NPC1: variants seen among roughly 807,000 people sequenced by gnomAD.
NPC1 encodes the protein Niemann-Pick C1 protein.
In NPC1, 85 loss-of-function variants were observed where a neutral mutation model predicts 140.4. The observed-to-expected ratio is 0.61, with a 90% CI of 0.51 to 0.72. The LOEUF (loss-of-function observed/expected upper bound fraction) is 0.72. Ranked by LOEUF, NPC1 falls within the 30% of genes least tolerant of loss-of-function variation. NPC1 has a pLI of 0.00. For synonymous variants in NPC1, 656 were observed against 624.8 expected, an observed-to-expected ratio of 1.05 and a Z score of -0.74; for missense variants, 1,504 against 1,623.8, an observed-to-expected ratio of 0.93 and a Z score of 1.27.
chr18:23,556,606 C>A lies in NPC1; in HGVS notation c.963G>T (p.Ala321=). ...FSVNASDKGE[A]SCCDPVSAAF... ...CTGCGCTGACAGGGTCACAGCAGGACGCCTCTCCTGGAAGAACGGGAGAGG... is the reference window on the plus strand; with the variant it reads ...CTGCGCTGACAGGGTCACAGCAGGAAGCCTCTCCTGGAAGAACGGGAGAGG... The change falls in exon 8 of 25, where the codon GCG becomes GCT. Residue 321 remains alanine, a synonymous_variant. Transcript: ENST00000269228. 6.2e-7 allele frequency: 1 copy of A among 1,614,002 alleles called. No homozygotes were observed. Among genetic ancestry groups the A allele is most frequent in the East Asian group, 2.2e-5 (1 of 44,878 alleles).
rs2058521498 is a variant in NPC1 at position 23,531,854 on chromosome 18, C to CTA, written c.*346_*347dup. The CTA allele has an allele frequency of 6.9e-7, 1 of 1,453,894 alleles. No homozygotes were observed. Among genetic ancestry groups the CTA allele is most frequent in the African/African-American group, 1.4e-5 (1 of 69,798 alleles). 90.1% of individuals were successfully genotyped at this position (1,453,894 alleles called of 1,614,324 possible). A position where few individuals can be genotyped will look rare whatever the true frequency, so the allele number is the denominator to read the frequency against. On this transcript the variant is annotated 3_prime_UTR_variant, in exon 25 of 25. Transcript: ENST00000269228. ...ATAGAACTTGTGGGATGGCTTACTC[C>CTA]TAAAAGGAGAGACAGACAGTGCATT...
downstream of NPC1, chr18:23,529,742 A>C: frequency 6.3e-7 from 1 of 1,577,644 alleles, no homozygotes; most frequent in Non-Finnish European, 8.7e-7. Flanking sequence ...GCCCAAGTTA[A>C]AACAGAAGGA....
At chr18:23,546,312 TGA>T (rs2058789781) in intron 11 of NPC1, among the ~76,000 whole-genome samples, 2 of 111,080 alleles carry the variant, frequency 1.8e-5, no homozygotes, top group South Asian at 5.6e-4. Flanking sequence ...AAAACCACAA[TGA>T]GATACCACTT....
intron 10 of NPC1, among the ~76,000 whole-genome samples, chr18:23,551,282 C>T (rs2145431588): frequency 6.6e-6 from 1 of 152,292 alleles, no homozygotes; most frequent in African/African-American, 2.4e-5. Flanking sequence ...ACCTGAGGTC[C>T]ATGAGCTCCC....
At position 23,514,420 on chromosome 18, in the gene NPC1, G is replaced by C. The variant is rs181281152; in HGVS notation, c.432-7778C>G. ...AAAAATACAAAAATTAGCTGGGTGT[G>C]GTGGTGGGCGCCTATAATCCCAGTT... On this transcript the variant is annotated intron_variant, in intron 3 of 3. Transcript: ENST00000591107. Among the ~76,000 whole-genome samples, 43 of 152,310 alleles carry C rather than the reference G, an allele frequency of 2.8e-4. No individual in the cohort carries two copies. In the East Asian group the frequency reaches 8.3e-3, roughly 29 times the overall value.
At chr18:23,524,370 A>C, downstream of NPC1, 1 of 1,591,518 alleles carries the variant, frequency 6.3e-7, no homozygotes, top group Non-Finnish European at 8.6e-7. Flanking sequence ...TGCTAGCGGA[A>C]ACTGGGTTTG....
intron 1 of NPC1, among the ~76,000 whole-genome samples, chr18:23,584,452 G>A (rs1838555383): frequency 6.6e-6 from 1 of 152,152 alleles, no homozygotes; most frequent in South Asian, 2.1e-4. Flanking sequence ...AGGCCTCCAG[G>A]CATTTTTGCA....
chr18:23,520,255 C>G (rs775269615), downstream of NPC1: 29 of 1,614,142 alleles, frequency 1.8e-5, no homozygotes, highest in Non-Finnish European at 2.1e-5. Context: ...GCTCCGTTAC[C>G]TTCCACCACC....
downstream of NPC1, chr18:23,528,637 G>A (rs181332898): frequency 3.1e-4 from 47 of 153,424 alleles, 1 homozygote; most frequent in Admixed American, 3.0e-3. Context: ...GCTGCCAGAC[G>A]TGAGGGATGG....
intron 10 of NPC1, among the ~76,000 whole-genome samples, chr18:23,550,969 C>T (rs1272937227): frequency 6.6e-6 from 1 of 152,214 alleles, no homozygotes; most frequent in East Asian, 1.9e-4. Context: ...ATTGCAACTT[C>T]TCCCCTGCCA....
At chr18:23,578,724 T>C (rs1258479671) in intron 1 of NPC1, among the ~76,000 whole-genome samples, 1 of 152,258 alleles carries the variant, frequency 6.6e-6, no homozygotes, top group Non-Finnish European at 1.5e-5. Flanking sequence ...AGCAGCACTT[T>C]CCACTAGCTG....
chr18:23,550,479 C>CTTTTTTTTCTTT (rs2058854112), intron 10 of NPC1, among the ~76,000 whole-genome samples: 1 of 74,922 alleles, frequency 1.3e-5, no homozygotes, highest in Non-Finnish European at 2.2e-5. Context: ...TCTTACATTT[C>CTTTTTTTTCTTT]TTTTTTTTTT....
At chr18:23,564,013 G>A (rs1357286376) in intron 4 of NPC1, among the ~76,000 whole-genome samples, 1 of 111,936 alleles carries the variant, frequency 8.9e-6, no homozygotes, top group African/African-American at 3.5e-5. Context: ...TTTGGAGATG[G>A]AGTCTCTGTC....
At chr18:23,521,156 G>C (rs183917860), downstream of NPC1, among the ~76,000 whole-genome samples, 13 of 152,248 alleles carry the variant, frequency 8.5e-5, no homozygotes, top group Non-Finnish European at 5.9e-5. Context: ...TGCCCAGCCT[G>C]TTCTAGTTTT....
chr18:23,521,346 G>A (rs188410036), downstream of NPC1, among the ~76,000 whole-genome samples: 42 of 152,316 alleles, frequency 2.8e-4, no homozygotes, highest in East Asian at 1.2e-3. Context: ...GAATACACCC[G>A]TAACGTTTTC....
rs2058525176 is a variant in NPC1 at position 23,531,949 on chromosome 18, AAAG to A, written c.*250_*252del. The A allele has an allele frequency of 6.2e-6, 9 of 1,445,394 alleles. No individual in the cohort carries two copies. Among genetic ancestry groups the A allele is most frequent in the Non-Finnish European group, 8.1e-6 (9 of 1,106,992 alleles). The allele number at this position is 1,445,394 out of a possible 1,614,324, so 89.5% of individuals were successfully genotyped here. ...CATCTAGTGTCACCTCCTGCTTGCCAAAGAATGAGGTTTCTTTCCTGAAGAGGC... is the reference window on the plus strand; with the variant it reads ...CATCTAGTGTCACCTCCTGCTTGCCAAATGAGGTTTCTTTCCTGAAGAGGC... On this transcript the variant is annotated 3_prime_UTR_variant, in exon 25 of 25. Coordinates refer to ENST00000269228, the MANE Select transcript of NPC1 (RefSeq NM_000271.5).
downstream of NPC1, among the ~76,000 whole-genome samples, chr18:23,521,457 A>G (rs976379642): frequency 2.6e-5 from 4 of 152,208 alleles, no homozygotes; most frequent in African/African-American, 9.7e-5. Context: ...TGTGACAGTG[A>G]TGATGAATAT....
chr18:23,539,849 C>A lies in NPC1; in HGVS notation c.2757G>T (p.Leu919=), dbSNP rs533718536. Residue 919 remains leucine (L), a synonymous_variant, in exon 18 of 25, where the codon CTG becomes CTT. Coordinates refer to ENST00000269228, the MANE Select transcript of NPC1 (RefSeq NM_000271.5). ...CGGMGCNNDS[L]VQQIFNAAQL... is the part of the protein sequence containing the mutation. ...GCGCCGCGTTAAATATCTGCTGCAC[C>A]AGGGAATCATTGTTGCAGCCCATGC... 1 of 1,614,178 alleles carries A rather than the reference C, an allele frequency of 6.2e-7. No individual in the cohort carries two copies. Among genetic ancestry groups the A allele is most frequent in the African/African-American group, 1.3e-5 (1 of 75,014 alleles).
chr18:23,523,972 G>A (rs532625316), intron 1 of NPC1, among the ~76,000 whole-genome samples: 2 of 152,204 alleles, frequency 1.3e-5, no homozygotes, highest in African/African-American at 2.4e-5. Flanking sequence ...CTCCCCGTAC[G>A]TGCTTTCAGT....
Sources: allele counts gnomAD v4.1 joint callset (sites outside exome capture counted in the v4.1 genomes callset), GRCh38; gene constraint gnomAD v4.1.1; transcripts MANE v1.5; gene names NCBI Gene and HGNC (gene_info 2026-07-23, HGNC 2026-07-21).